The following CTNNA3 variants were observed in gnomAD, a reference collection of about 807,000 sequenced individuals.
The protein encoded by CTNNA3 is catenin alpha 3.
In CTNNA3, 76 loss-of-function variants were observed where a neutral mutation model predicts 95.7. That is an observed-to-expected ratio of 0.79 (90% CI 0.66 to 0.96). CTNNA3 has a LOEUF of 0.96. Ranked by LOEUF, CTNNA3 falls within the 40% of genes least tolerant of loss-of-function variation. The pLI, the probability that CTNNA3 is intolerant of heterozygous loss-of-function variation, is 0.00. For synonymous variants in CTNNA3, 431 were observed against 374.4 expected, an observed-to-expected ratio of 1.15 and a Z score of -1.74; for missense variants, 1,191 against 1,089.8, an observed-to-expected ratio of 1.09 and a Z score of -1.31.
intron 7 of CTNNA3, among the ~76,000 whole-genome samples, chr10:66,954,016 A>C (rs1848670539): frequency 6.6e-6 from 1 of 152,218 alleles, no homozygotes; most frequent in African/African-American, 2.4e-5. Flanking sequence ...GTGCATAGTA[A>C]GTGCTCGCAA....
intron 9 of CTNNA3, among the ~76,000 whole-genome samples, chr10:66,666,627 T>A (rs909098883): frequency 6.6e-6 from 1 of 152,132 alleles, no homozygotes; most frequent in African/African-American, 2.4e-5. Flanking sequence ...TTATATGCCA[T>A]TAGGTTTTGA....
chr10:66,975,834 T>C (rs1470616661), intron 7 of CTNNA3, among the ~76,000 whole-genome samples: 2 of 152,236 alleles, frequency 1.3e-5, no homozygotes, highest in African/African-American at 4.8e-5. Context: ...TTAAACTCCA[T>C]TAAGACTTGT....
In CTNNA3 at chr10:66,124,122, G is replaced by T. The variant is rs187370165; in HGVS notation, c.1885-20873C>A. ...GGCTACACATTTTCTGAACTTTTAT[G>T]CTCTGCTTCTCTTATATAACTGAAT... On this transcript the variant is annotated intron_variant, in intron 13 of 17. Coordinates refer to ENST00000433211, the MANE Select transcript of CTNNA3 (RefSeq NM_013266.4). Among the ~76,000 whole-genome samples, 1,320 of 152,180 alleles carry T rather than the reference G, an allele frequency of 8.7e-3. 9 individuals are homozygous for T. Among genetic ancestry groups the T allele is most frequent in the Middle Eastern group, 0.034 (10 of 294 alleles).
chr10:66,488,189 A>T (rs1402406957), intron 11 of CTNNA3, among the ~76,000 whole-genome samples: 1 of 152,240 alleles, frequency 6.6e-6, no homozygotes, highest in Non-Finnish European at 1.5e-5. Context: ...TTTTGATGCA[A>T]TTAGACCATA....
intron 16 of CTNNA3, among the ~76,000 whole-genome samples, chr10:65,975,941 T>G (rs577524889): frequency 6.6e-6 from 1 of 152,170 alleles, no homozygotes; most frequent in South Asian, 2.1e-4. Context: ...TAAAGTGTTT[T>G]ATCTGTCATC....
At chr10:67,207,640 A>G (rs1266992490) in intron 6 of CTNNA3, among the ~76,000 whole-genome samples, 1 of 152,186 alleles carries the variant, frequency 6.6e-6, no homozygotes, top group Non-Finnish European at 1.5e-5. Context: ...CATGTTCTAA[A>G]GGGCCACCTA....
intron 12 of CTNNA3, among the ~76,000 whole-genome samples, chr10:66,351,145 C>A (rs1040002636): frequency 1.3e-5 from 2 of 152,038 alleles, no homozygotes; most frequent in Admixed American, 1.3e-4. Flanking sequence ...CATGCTTCTA[C>A]AACACATTCT....
chr10:66,143,010 T>C (rs936588258), intron 13 of CTNNA3, among the ~76,000 whole-genome samples: 1 of 152,120 alleles, frequency 6.6e-6, no homozygotes, highest in Non-Finnish European at 1.5e-5. Context: ...AGCAGTTAAA[T>C]ACACTAAATT....
At chr10:66,258,410 G>A (rs2090873049) in intron 13 of CTNNA3, among the ~76,000 whole-genome samples, 1 of 152,152 alleles carries the variant, frequency 6.6e-6, no homozygotes, top group Non-Finnish European at 1.5e-5. Flanking sequence ...GGGTATGGCT[G>A]TGTTTTACAG....
At chr10:67,436,382 A>G (rs1846299354) in intron 5 of CTNNA3, among the ~76,000 whole-genome samples, 1 of 152,052 alleles carries the variant, frequency 6.6e-6, no homozygotes, top group Non-Finnish European at 1.5e-5. Context: ...AGAAGATAAC[A>G]TTAGAAAACC....
chr10:66,777,306 C>T (rs746602870), intron 7 of CTNNA3, among the ~76,000 whole-genome samples: 2 of 151,706 alleles, frequency 1.3e-5, no homozygotes, highest in Non-Finnish European at 2.9e-5. Context: ...TAGGAAGACA[C>T]AGTAGAAGGC....
intron 5 of CTNNA3, among the ~76,000 whole-genome samples, chr10:67,283,147 A>C (rs1415021465): frequency 6.6e-6 from 1 of 152,208 alleles, no homozygotes; most frequent in Non-Finnish European, 1.5e-5. Context: ...ATATTGTTAT[A>C]GAAGGTAGTT....
chr10:66,572,928 C>A (rs1336088575), intron 10 of CTNNA3, among the ~76,000 whole-genome samples: 2 of 152,142 alleles, frequency 1.3e-5, no homozygotes, highest in Non-Finnish European at 2.9e-5. Context: ...AACCTGCCAT[C>A]TGCTTATCAG....
intron 10 of CTNNA3, among the ~76,000 whole-genome samples, chr10:66,570,723 A>T (rs1340981270): frequency 6.6e-6 from 1 of 152,092 alleles, no homozygotes; most frequent in African/African-American, 2.4e-5. Flanking sequence ...AAGACATCCC[A>T]CTTGAATTCT....
chr10:66,783,614 C>T (rs1209398457), intron 7 of CTNNA3, among the ~76,000 whole-genome samples: 1 of 148,080 alleles, frequency 6.8e-6, no homozygotes. Flanking sequence ...TTTATGCTGT[C>T]GATTACACTG....
intron 7 of CTNNA3, among the ~76,000 whole-genome samples, chr10:66,891,439 G>A (rs542057346): frequency 6.6e-5 from 10 of 152,204 alleles, no homozygotes; most frequent in African/African-American, 2.4e-4. Flanking sequence ...TTCTAAAACA[G>A]AATTTTGAAG....
At chr10:67,745,700 T>C (rs1215201056) in intron 1 of CTNNA3, among the ~76,000 whole-genome samples, 3 of 151,956 alleles carry the variant, frequency 2.0e-5, no homozygotes, top group African/African-American at 4.8e-5. Flanking sequence ...AAAAAAACTG[T>C]TAGAGCTGAC....
At chr10:65,950,713 T>C (rs1357522675) in intron 17 of CTNNA3, among the ~76,000 whole-genome samples, 1 of 152,206 alleles carries the variant, frequency 6.6e-6, no homozygotes, top group Non-Finnish European at 1.5e-5. Flanking sequence ...AAATAATTGT[T>C]TATGCTAAGT....
intron 14 of CTNNA3, among the ~76,000 whole-genome samples, chr10:66,102,530 G>T (rs1460875732): frequency 6.6e-6 from 1 of 152,168 alleles, no homozygotes; most frequent in East Asian, 1.9e-4. Context: ...GTACTACGTG[G>T]GTTTCAGATC....
Sources: gnomAD v4.1 joint callset for allele counts (sites outside exome capture counted in the v4.1 genomes callset) on GRCh38, gnomAD v4.1.1 for gene constraint, MANE v1.5 for transcripts, NCBI Gene and HGNC (gene_info 2026-07-23, HGNC 2026-07-21) for gene names.